The following CBFA2T3 variants were observed in gnomAD, a reference collection of about 807,000 sequenced individuals.
CBFA2T3 encodes the protein CBFA2/RUNX1 partner transcriptional co-repressor 3.
Under a neutral mutation model 58.6 loss-of-function variants are expected in CBFA2T3, and 31 were observed. The ratio of observed to expected loss-of-function variants is 0.53; its 90% CI spans 0.40 to 0.71. The LOEUF is 0.71. Among genes scored for constraint, CBFA2T3 ranks in the 30% least tolerant of loss-of-function variants. The pLI is 0.00. For missense variants in CBFA2T3, 1,076 were observed against 963.1 expected, an observed-to-expected ratio of 1.12 and a Z score of -1.55; for synonymous variants, 531 against 421.9, an observed-to-expected ratio of 1.26 and a Z score of -3.17.
At chr16:88,948,344 C>T (rs1022405287) in intron 1 of CBFA2T3, among the ~76,000 whole-genome samples, 2 of 152,210 alleles carry the variant, frequency 1.3e-5, no homozygotes, top group African/African-American at 4.8e-5. Flanking sequence ...CAGGCTGGCC[C>T]CAGGCAGAGA....
intron 1 of CBFA2T3, among the ~76,000 whole-genome samples, chr16:88,975,177 C>CTG (rs1567643958): frequency 0.16 from 18,503 of 118,738 alleles, 1,669 homozygotes; most frequent in Middle Eastern, 0.2. Context: ...CTCTCTGCTC[C>CTG]ACATCTTTAG....
chr16:88,912,990 C>T (rs1567603217), intron 1 of CBFA2T3, among the ~76,000 whole-genome samples: 3 of 152,220 alleles, frequency 2.0e-5, no homozygotes, highest in African/African-American at 4.8e-5. Context: ...TCCCCCAAGG[C>T]GCGTTTCCTG....
At chr16:88,924,020 G>A (rs1316138280) in intron 1 of CBFA2T3, among the ~76,000 whole-genome samples, 2 of 152,204 alleles carry the variant, frequency 1.3e-5, no homozygotes, top group Admixed American at 1.3e-4. Flanking sequence ...CATGGTTACA[G>A]CAAAGACCGC....
chr16:88,948,173 C>A (rs1026094500), intron 1 of CBFA2T3, among the ~76,000 whole-genome samples: 8 of 152,212 alleles, frequency 5.3e-5, no homozygotes, highest in Non-Finnish European at 2.9e-5. Flanking sequence ...GAGTCAGATG[C>A]CGCAAGCCAC....
intron 1 of CBFA2T3, among the ~76,000 whole-genome samples, chr16:88,967,463 G>C (rs369671816): frequency 1.3e-5 from 2 of 152,060 alleles, no homozygotes; most frequent in African/African-American, 4.8e-5. Context: ...TGCCGGAGAC[G>C]GGGACTGCTA....
chr16:88,959,308 G>A (rs753168047), intron 1 of CBFA2T3, among the ~76,000 whole-genome samples: 3 of 152,220 alleles, frequency 2.0e-5, no homozygotes, highest in Non-Finnish European at 4.4e-5. Flanking sequence ...CCCTGTTGGG[G>A]GAGCAGAGGG....
intron 1 of CBFA2T3, among the ~76,000 whole-genome samples, chr16:88,903,012 G>C (rs1363093058): frequency 6.6e-6 from 1 of 152,138 alleles, no homozygotes; most frequent in African/African-American, 2.4e-5. Context: ...CCACAGCCTG[G>C]GGCATGAAAC....
intron 1 of CBFA2T3, among the ~76,000 whole-genome samples, chr16:88,970,606 G>A (rs1353692117): frequency 1.3e-5 from 2 of 152,244 alleles, no homozygotes; most frequent in African/African-American, 4.8e-5. Flanking sequence ...CCTTCCCTCC[G>A]GGGCCACAGG....
chr16:88,913,878 G>T (rs1488651396), intron 1 of CBFA2T3, among the ~76,000 whole-genome samples: 1 of 152,104 alleles, frequency 6.6e-6, no homozygotes, highest in East Asian at 1.9e-4. Flanking sequence ...CTGTTTGTTG[G>T]TATCTGCTGA....
intron 1 of CBFA2T3, among the ~76,000 whole-genome samples, chr16:88,966,820 A>G (rs983786485): frequency 6.6e-6 from 1 of 152,154 alleles, no homozygotes; most frequent in Non-Finnish European, 1.5e-5. Flanking sequence ...TGGAAGTCGG[A>G]TGCAGCACGC....
At chr16:88,974,991 C>T (rs1257037081) in intron 1 of CBFA2T3, among the ~76,000 whole-genome samples, 1 of 152,174 alleles carries the variant, frequency 6.6e-6, no homozygotes, top group Non-Finnish European at 1.5e-5. Context: ...CGGACAGAAG[C>T]CCCTAGAAGC....
intron 1 of CBFA2T3, among the ~76,000 whole-genome samples, chr16:88,905,593 C>T (rs1000459242): frequency 6.6e-6 from 1 of 151,026 alleles, no homozygotes; most frequent in Non-Finnish European, 1.5e-5. Flanking sequence ...CCCCAGCCCC[C>T]GCTTAGGGGC....
intron 5 of CBFA2T3, among the ~76,000 whole-genome samples, chr16:88,888,589 G>GGGGGAAGGGTGT (rs1969492096): frequency 2.3e-5 from 1 of 43,518 alleles, no homozygotes; most frequent in Non-Finnish European, 4.6e-5. Context: ...GGGGTGGGGT[G>GGGGGAAGGGTGT]GGGTGGGGTG....
chr16:88,912,603 G>A (rs1317074397), intron 1 of CBFA2T3, among the ~76,000 whole-genome samples: 1 of 152,200 alleles, frequency 6.6e-6, no homozygotes, highest in Non-Finnish European at 1.5e-5. Context: ...GTCAATGTCT[G>A]AAGCCTCCGT....
At position 88,879,566 on chromosome 16, in the gene CBFA2T3, G is replaced by A. The variant is rs1269673752; in HGVS notation, c.1472-106C>T. The A allele has an allele frequency of 4.1e-6, 4 of 974,664 alleles. No individual in the cohort carries two copies. In the African/African-American group the frequency reaches 4.8e-5, roughly 12 times the overall value. The allele number at this position is 974,664 out of a possible 1,614,324, so 60.4% of individuals were successfully genotyped here. A position where few individuals can be genotyped will look rare whatever the true frequency, so the allele number is the denominator to read the frequency against. ...CTGGGGACAGGGGCTGTGTGCAGCTGAACACACGTACCATCTGTGCACACA... is the reference window on the plus strand; with the variant it reads ...CTGGGGACAGGGGCTGTGTGCAGCTAAACACACGTACCATCTGTGCACACA... On this transcript the variant is annotated intron_variant, in intron 10 of 11. Coordinates refer to ENST00000268679, the MANE Select transcript of CBFA2T3 (RefSeq NM_005187.6).
At chr16:88,929,262 C>T (rs1971194940) in intron 1 of CBFA2T3, among the ~76,000 whole-genome samples, 1 of 140,990 alleles carries the variant, frequency 7.1e-6, no homozygotes, top group South Asian at 2.2e-4. Context: ...GCCCCTGAAC[C>T]AGCCCGTGAC....
At position 88,953,939 on chromosome 16, in the gene CBFA2T3, C is replaced by T. The variant is rs918837003; in HGVS notation, c.151+22718G>A. Among the ~76,000 whole-genome samples the T allele has an allele frequency of 6.6e-6, 1 of 152,048 alleles. No individual in the cohort carries two copies. Among genetic ancestry groups the T allele is most frequent in the Non-Finnish European group, 1.5e-5 (1 of 67,982 alleles). Reference sequence around the variant, plus strand: ...CAGAGCAGGTGGGCTGTGCTCCTGCCCTGGGCAAATGAGGGCAGGCGGCCT... The same window carrying T: ...CAGAGCAGGTGGGCTGTGCTCCTGCTCTGGGCAAATGAGGGCAGGCGGCCT... On this transcript the variant is annotated intron_variant, in intron 1 of 11. Coordinates refer to ENST00000268679, the MANE Select transcript of CBFA2T3 (RefSeq NM_005187.6). The surrounding 1 kb of genome is among the most constrained non-coding windows in gnomAD (Gnocchi z 4.9).
rs1968844928 is a variant in CBFA2T3 at position 88,876,747 on chromosome 16, G to T, written c.*229C>A. 3 of 467,582 alleles carry T rather than the reference G, an allele frequency of 6.4e-6. No individual in the cohort carries two copies. Among genetic ancestry groups the T allele is most frequent in the African/African-American group, 6.1e-5 (3 of 48,874 alleles). The allele number at this position is 467,582 out of a possible 1,614,324, so 29.0% of individuals were successfully genotyped here. On this transcript the variant is annotated 3_prime_UTR_variant, in exon 12 of 12. Coordinates refer to ENST00000268679, the MANE Select transcript of CBFA2T3 (RefSeq NM_005187.6). ...AGACGTTGTCAGGAGGTCTCCGCGCGGAATCATTAGGTAGCTGAGGCAGGT... is the reference window on the plus strand; with the variant it reads ...AGACGTTGTCAGGAGGTCTCCGCGCTGAATCATTAGGTAGCTGAGGCAGGT...
chr16:88,920,441 C>A (rs893656200), intron 1 of CBFA2T3, among the ~76,000 whole-genome samples: 2 of 141,588 alleles, frequency 1.4e-5, no homozygotes, highest in Non-Finnish European at 3.2e-5. Flanking sequence ...CATACCCGGC[C>A]AATTTTTTTT....
Sources: gnomAD v4.1 joint callset for allele counts (sites outside exome capture counted in the v4.1 genomes callset) on GRCh38, gnomAD v4.1.1 for gene constraint, Gnocchi (gnomAD v3.1) non-coding constraint, MANE v1.5 for transcripts, NCBI Gene and HGNC (gene_info 2026-07-23, HGNC 2026-07-21) for gene names.